Variants in ZNF423 observed in about 807,000 individuals in gnomAD.
The protein encoded by ZNF423 is Ebf-associated zinc finger protein.
Under a neutral mutation model 95.8 loss-of-function variants are expected in ZNF423, and 12 were observed. The observed-to-expected ratio is 0.13, with a 90% CI of 0.08 to 0.20. The LOEUF is 0.20. Ranked by LOEUF, ZNF423 falls within the 10% of genes least tolerant of loss-of-function variation. The pLI, the probability that ZNF423 is intolerant of heterozygous loss-of-function variation, is 1.00. For missense variants in ZNF423, 1,316 were observed against 1,737.1 expected, an observed-to-expected ratio of 0.76 and a Z score of 4.31; for synonymous variants, 749 against 711.9, an observed-to-expected ratio of 1.05 and a Z score of -0.83.
rs1271873268 is a variant in ZNF423 at position 49,855,302 on chromosome 16, G to T, written c.40+433C>A. 6.6e-6 allele frequency among the ~76,000 whole-genome samples: 1 copy of T among 151,560 alleles called. No individual in the cohort carries two copies. The highest frequency in any genetic ancestry group is 2.4e-5 in the African/African-American group (1 of 41,438). Reference sequence around the variant, plus strand: ...GTCGGCCTGCCGGGCGCCCGTCCTCGCCGCCTCTTCCTTCCTCCTGTCGCC... The same window carrying T: ...GTCGGCCTGCCGGGCGCCCGTCCTCTCCGCCTCTTCCTTCCTCCTGTCGCC... On this transcript the variant is annotated intron_variant, in intron 1 of 7. Coordinates refer to ENST00000563137, the MANE Select transcript of ZNF423 (RefSeq NM_001379286.1). The surrounding 1 kb of genome is among the most constrained non-coding windows in gnomAD (Gnocchi z 4.7).
At chr16:49,511,329 G>C (rs935645129) in intron 7 of ZNF423, among the ~76,000 whole-genome samples, 1 of 152,284 alleles carries the variant, frequency 6.6e-6, no homozygotes, top group African/African-American at 2.4e-5. Context: ...TCGAGACCCT[G>C]CACCCAGAGA....
chr16:49,592,850 C>T (rs1971052122), intron 5 of ZNF423, among the ~76,000 whole-genome samples: 1 of 152,218 alleles, frequency 6.6e-6, no homozygotes, highest in South Asian at 2.1e-4. Context: ...ACAGATCAGT[C>T]TTCACTCTGC....
chr16:49,705,610 C>T (rs552978161), intron 3 of ZNF423, among the ~76,000 whole-genome samples: 22 of 152,250 alleles, frequency 1.4e-4, no homozygotes, highest in South Asian at 1.0e-3. Flanking sequence ...TGCAGTGGTG[C>T]GATCTAGGCT....
rs2034898519 is a variant in ZNF423, at chr16:49,819,011, T to TGG, written c.41-29467_41-29466dup. ...GCTCATGCCTGTAATCCCAGCTCTT[T>TGG]GGGAGGCTGAGGCCGGTGGATTACG... On this transcript the variant is annotated intron_variant, in intron 1 of 7. Coordinates refer to ENST00000563137, the MANE Select transcript of ZNF423 (RefSeq NM_001379286.1). Among the ~76,000 whole-genome samples, 4 of 152,172 alleles carry TGG rather than the reference T, an allele frequency of 2.6e-5. No individual in the cohort carries two copies. The South Asian group carries it at 8.3e-4, about 32-fold the overall frequency.
intron 5 of ZNF423, among the ~76,000 whole-genome samples, chr16:49,597,381 C>A (rs1027480307): frequency 6.6e-6 from 1 of 152,108 alleles, no homozygotes; most frequent in Non-Finnish European, 1.5e-5. Flanking sequence ...AAAATACACA[C>A]CATATTGTTA....
intron 3 of ZNF423, among the ~76,000 whole-genome samples, chr16:49,701,664 CG>C (rs762030314): frequency 8.5e-4 from 129 of 152,202 alleles, no homozygotes; most frequent in Middle Eastern, 3.4e-3. Context: ...AATACCTCTT[CG>C]ACACTGGGTG....
chr16:49,628,128 C>G (rs1972367939), intron 4 of ZNF423, among the ~76,000 whole-genome samples: 1 of 149,014 alleles, frequency 6.7e-6, no homozygotes, highest in Admixed American at 6.7e-5. Context: ...CTACTCCAAC[C>G]ATCCATCCAT....
intron 3 of ZNF423, among the ~76,000 whole-genome samples, chr16:49,684,049 C>T (rs544892405): frequency 2.6e-5 from 4 of 152,120 alleles, no homozygotes; most frequent in Non-Finnish European, 5.9e-5. Flanking sequence ...CCAGCCTGGG[C>T]AGCAGAGCAA....
intron 2 of ZNF423, among the ~76,000 whole-genome samples, chr16:49,777,880 T>C (rs886276459): frequency 6.6e-6 from 1 of 152,194 alleles, no homozygotes; most frequent in African/African-American, 2.4e-5. Flanking sequence ...ATTTTTTAAT[T>C]GTTATTGTTA....
At chr16:49,732,259 T>G (rs1032902357) in intron 2 of ZNF423, among the ~76,000 whole-genome samples, 12 of 152,188 alleles carry the variant, frequency 7.9e-5, no homozygotes, top group African/African-American at 2.9e-4. Context: ...ACAGCCCCAA[T>G]CTTACAGATT....
At chr16:49,819,456 C>CT (rs1217205098) in intron 1 of ZNF423, among the ~76,000 whole-genome samples, 7 of 150,124 alleles carry the variant, frequency 4.7e-5, no homozygotes, top group Admixed American at 1.3e-4. Flanking sequence ...CCACGAGTAT[C>CT]TTTTTTTTTG....
chr16:49,811,126 C>T (rs931665959), intron 1 of ZNF423, among the ~76,000 whole-genome samples: 4 of 152,200 alleles, frequency 2.6e-5, no homozygotes, highest in South Asian at 2.1e-4. Flanking sequence ...GGGGTCAAAC[C>T]GGGACCAACC....
rs775478966 is a variant in ZNF423 at position 49,637,442 on chromosome 16, G to A, written c.1734C>T (p.Asn578=). 26 of 1,614,166 alleles carry A rather than the reference G, an allele frequency of 1.6e-5. No individual in the cohort carries two copies. Among genetic ancestry groups the A allele is most frequent in the Non-Finnish European group, 2.1e-5 (25 of 1,180,038 alleles). ...MEVYSCPYCT[N]SPIFGSILKL... ...TCAGGATGGAGCCAAAGATGGGGGA[G>A]TTGGTGCAGTAGGGGCAGGAATAGA... Residue 578 remains asparagine, a synonymous_variant, in exon 4 of 8, where the codon AAC becomes AAT. Transcript: ENST00000563137. This position sits in a 1 kb window ranked among gnomAD's most constrained non-coding sequence, Gnocchi z 5.6.
At chr16:49,839,118 A>T (rs1441130594) in intron 1 of ZNF423, among the ~76,000 whole-genome samples, 1 of 121,274 alleles carries the variant, frequency 8.2e-6, no homozygotes, top group Non-Finnish European at 1.7e-5. Context: ...CTCCTCTCCG[A>T]CCCTTGACCC....
intron 1 of ZNF423, among the ~76,000 whole-genome samples, chr16:49,843,316 C>T (rs2035210579): frequency 6.6e-6 from 1 of 152,184 alleles, no homozygotes; most frequent in Admixed American, 6.5e-5. Flanking sequence ...ATTCTGTAGA[C>T]CTCCTTATGG....
upstream of ZNF423, chr16:49,857,925 C>A (rs1450795508): frequency 6.6e-6 from 1 of 152,128 alleles, no homozygotes; most frequent in Non-Finnish European, 1.5e-5. The surrounding 1 kb of genome is among the most constrained non-coding windows in gnomAD (Gnocchi z 6.2). Flanking sequence ...GAAAAGTCTT[C>A]CCCAGACGGC....
chr16:49,791,520 A>T (rs560115774), intron 1 of ZNF423, among the ~76,000 whole-genome samples: 1 of 152,294 alleles, frequency 6.6e-6, no homozygotes, highest in South Asian at 2.1e-4. Flanking sequence ...CTATTAAGAG[A>T]CTGCTGCCAG....
Position 49,745,878 on chromosome 16 carries a change from C to T in ZNF423, c.101-14907G>A, listed in dbSNP as rs143105556. Among the ~76,000 whole-genome samples the T allele has an allele frequency of 4.8e-3, 729 of 152,262 alleles. 4 individuals carry two copies. The highest frequency in any genetic ancestry group is 0.017 in the African/African-American group (693 of 41,536). On this transcript the variant is annotated intron_variant, in intron 2 of 7. Coordinates refer to ENST00000563137, the MANE Select transcript of ZNF423 (RefSeq NM_001379286.1). ...GAAAGGACTCTCTATGGGGAGCCCA[C>T]GGGGATGGAGCTGAGGGGACTGGGA... is the stretch of plus-strand genomic sequence containing the variant.
chr16:49,817,912 G>A (rs1208658305), intron 1 of ZNF423, among the ~76,000 whole-genome samples: 1 of 152,036 alleles, frequency 6.6e-6, no homozygotes, highest in Non-Finnish European at 1.5e-5. Flanking sequence ...TGCAGTACCA[G>A]GCCTCCAACC....
Sources: allele counts gnomAD v4.1 joint callset (sites outside exome capture counted in the v4.1 genomes callset), GRCh38; gene constraint gnomAD v4.1.1; non-coding constraint Gnocchi (gnomAD v3.1); transcripts MANE v1.5; gene names NCBI Gene and HGNC (gene_info 2026-07-23, HGNC 2026-07-21).